The following UNC5C variants were observed in gnomAD, a reference collection of about 807,000 sequenced individuals.
UNC5C encodes unc-5 netrin receptor C.
A neutral mutation model predicts 99.8 loss-of-function variants in UNC5C; 47 were observed. That is an observed-to-expected ratio of 0.47 (90% CI 0.37 to 0.60). UNC5C has a LOEUF of 0.60. Among genes scored for constraint, UNC5C ranks in the 20% least tolerant of loss-of-function variants. UNC5C has a pLI of 0.00. For missense variants in UNC5C, 1,062 were observed against 1,165.9 expected, an observed-to-expected ratio of 0.91 and a Z score of 1.30; for synonymous variants, 487 against 452.2, an observed-to-expected ratio of 1.08 and a Z score of -0.98.
intron 7 of UNC5C, among the ~76,000 whole-genome samples, chr4:95,222,526 T>C (rs1332264365): frequency 6.6e-6 from 1 of 152,178 alleles, no homozygotes; most frequent in Non-Finnish European, 1.5e-5. Context: ...AAGTCTTTCT[T>C]TTATTGAGCA....
intron 1 of UNC5C, among the ~76,000 whole-genome samples, chr4:95,341,507 G>GAGAAAGAAAGAAAGAAGAAAGAGGGAGAA (rs1743579537): frequency 6.9e-6 from 1 of 144,806 alleles, no homozygotes; most frequent in Non-Finnish European, 1.5e-5. Flanking sequence ...AAGAAAGAGA[G>GAGAAAGAAAGAAAGAAGAAAGAGGGAGAA]AGAAAGAAAG....
intron 1 of UNC5C, among the ~76,000 whole-genome samples, chr4:95,524,339 G>T (rs974376352): frequency 2.0e-5 from 3 of 152,162 alleles, no homozygotes; most frequent in Admixed American, 6.5e-5. Context: ...GATTAAAAGA[G>T]ATAAGACATA....
At chr4:95,433,337 A>G (rs1376275444) in intron 1 of UNC5C, among the ~76,000 whole-genome samples, 1 of 152,140 alleles carries the variant, frequency 6.6e-6, no homozygotes, top group Non-Finnish European at 1.5e-5. Context: ...ATCAAATGGT[A>G]ATATCCTAGA....
intron 1 of UNC5C, among the ~76,000 whole-genome samples, chr4:95,436,231 G>A (rs771480065): frequency 1.3e-5 from 2 of 151,192 alleles, no homozygotes; most frequent in Non-Finnish European, 3.0e-5. Flanking sequence ...ATCATTAACA[G>A]CTAGATAAAA....
chr4:95,482,969 C>A (rs1284226509), intron 1 of UNC5C, among the ~76,000 whole-genome samples: 1 of 141,724 alleles, frequency 7.1e-6, no homozygotes, highest in Non-Finnish European at 1.5e-5. Context: ...TGTAACTAAC[C>A]TGCACATTGT....
At chr4:95,350,734 C>T (rs1467818168) in intron 1 of UNC5C, among the ~76,000 whole-genome samples, 3 of 152,080 alleles carry the variant, frequency 2.0e-5, no homozygotes, top group African/African-American at 7.2e-5. Context: ...TTCATTATTA[C>T]AATGTATTTG....
At chr4:95,217,742 C>T (rs1343435072) in intron 9 of UNC5C, among the ~76,000 whole-genome samples, 1 of 152,066 alleles carries the variant, frequency 6.6e-6, no homozygotes, top group Non-Finnish European at 1.5e-5. Flanking sequence ...GGGAAAAGAA[C>T]TATTTTGAGA....
At chr4:95,426,727 A>G (rs1308109288) in intron 1 of UNC5C, among the ~76,000 whole-genome samples, 2 of 152,262 alleles carry the variant, frequency 1.3e-5, no homozygotes, top group African/African-American at 4.8e-5. Flanking sequence ...CAGTCATAAC[A>G]TTCTCTTAAG....
intron 4 of UNC5C, among the ~76,000 whole-genome samples, chr4:95,259,053 G>A (rs1467697344): frequency 4.6e-5 from 7 of 151,898 alleles, no homozygotes; most frequent in Admixed American, 1.3e-4. Context: ...GAGCCACCGC[G>A]CCCGGCCTCG....
At chr4:95,404,548 G>A (rs1745784025) in intron 1 of UNC5C, among the ~76,000 whole-genome samples, 1 of 152,098 alleles carries the variant, frequency 6.6e-6, no homozygotes, top group Non-Finnish European at 1.5e-5. Flanking sequence ...TACGTTCTCT[G>A]GGACACTTGT....
In UNC5C at chr4:95,358,556, G is replaced by C. The variant is rs553534604; in HGVS notation, c.125-22925C>G. Among the ~76,000 whole-genome samples the C allele has an allele frequency of 2.5e-4, 38 of 152,194 alleles. No individual in the cohort carries two copies. The South Asian group carries it at 7.7e-3, about 31-fold the overall frequency. On this transcript the variant is annotated intron_variant, in intron 1 of 15. Coordinates refer to ENST00000453304, the MANE Select transcript of UNC5C (RefSeq NM_003728.4). ...TAGAAATCACAATACTTGACACCAG[G>C]TCACAAAATTATTAAAACTTCAAGT...
intron 1 of UNC5C, among the ~76,000 whole-genome samples, chr4:95,401,858 A>T (rs947545850): frequency 1.3e-5 from 2 of 152,206 alleles, no homozygotes; most frequent in African/African-American, 2.4e-5. Flanking sequence ...ATAGCTGACA[A>T]TCAAACAATA....
At chr4:95,334,273 C>T (rs977489461) in intron 2 of UNC5C, among the ~76,000 whole-genome samples, 1 of 151,904 alleles carries the variant, frequency 6.6e-6, no homozygotes, top group Non-Finnish European at 1.5e-5. Context: ...CTGGTCTCTA[C>T]TTGTCTCTGG....
chr4:95,354,252 T>C lies in UNC5C; in HGVS notation c.125-18621A>G, dbSNP rs1674326830. 3.3e-5 allele frequency among the ~76,000 whole-genome samples: 5 copies of C among 151,894 alleles called. No individual in the cohort carries two copies. In the South Asian group the frequency reaches 1.0e-3, roughly 31 times the overall value. On this transcript the variant is annotated intron_variant, in intron 1 of 15. Transcript: ENST00000453304. ...AGTCCCCCTGTGGTTTAAATTCCTGTAGCTCCTCGTTTCCTATAAGATGAA... is the reference window on the plus strand; with the variant it reads ...AGTCCCCCTGTGGTTTAAATTCCTGCAGCTCCTCGTTTCCTATAAGATGAA...
intron 1 of UNC5C, among the ~76,000 whole-genome samples, chr4:95,521,893 A>G (rs1235928037): frequency 6.6e-6 from 1 of 152,182 alleles, no homozygotes; most frequent in East Asian, 1.9e-4. Flanking sequence ...TTTATCATTC[A>G]ATTTGGTCTT....
intron 1 of UNC5C, among the ~76,000 whole-genome samples, chr4:95,443,670 T>C (rs1389742952): frequency 1.3e-5 from 2 of 152,204 alleles, no homozygotes; most frequent in African/African-American, 4.8e-5. Context: ...TTGTGCTTTT[T>C]TTATAGATAC....
chr4:95,190,511 G>A (rs1737038318), intron 12 of UNC5C, among the ~76,000 whole-genome samples: 1 of 151,732 alleles, frequency 6.6e-6, no homozygotes, highest in South Asian at 2.1e-4. Context: ...TTTTTTGTCG[G>A]GACAAAGTCT....
intron 5 of UNC5C, among the ~76,000 whole-genome samples, chr4:95,246,704 A>G (rs553466278): frequency 6.6e-6 from 1 of 151,976 alleles, no homozygotes; most frequent in East Asian, 1.9e-4. Context: ...TTAAATTATA[A>G]AAGATGTATA....
At chr4:95,480,432 T>C (rs901524956) in intron 1 of UNC5C, among the ~76,000 whole-genome samples, 5 of 151,916 alleles carry the variant, frequency 3.3e-5, no homozygotes, top group African/African-American at 4.8e-5. Context: ...AAATGAGCAA[T>C]AAATGCTACC....
Sources: gnomAD v4.1 joint callset for allele counts (sites outside exome capture counted in the v4.1 genomes callset) on GRCh38, gnomAD v4.1.1 for gene constraint, MANE v1.5 for transcripts, NCBI Gene and HGNC (gene_info 2026-07-23, HGNC 2026-07-21) for gene names.